Variants in STRBP observed in about 807,000 individuals in gnomAD.
STRBP encodes the protein spermatid perinuclear RNA binding protein, also known as spermatid perinuclear RNA-binding protein.
STRBP carries 13 observed loss-of-function variants against 80.1 expected under a neutral mutation model. The observed-to-expected ratio is 0.16, with a 90% confidence interval of 0.11 to 0.26. The LOEUF (loss-of-function observed/expected upper bound fraction) is 0.26. Ranked by LOEUF, STRBP falls within the 10% of genes least tolerant of loss-of-function variation. The pLI, the probability that STRBP is intolerant of heterozygous loss-of-function variation, is 1.00. For missense variants in STRBP, 485 were observed against 815.2 expected, an observed-to-expected ratio of 0.59 and a Z score of 4.93; for synonymous variants, 284 against 291.2, an observed-to-expected ratio of 0.98 and a Z score of 0.25.
intron 14 of STRBP, 99 bp downstream of exon 14, chr9:123,139,430 T>G: frequency 2.1e-6 from 2 of 965,554 alleles, no homozygotes; most frequent in South Asian, 4.3e-5. Context: ...TGTACAGGTT[T>G]GCATATGCTT....
rs915052613 is a variant in STRBP, at chr9:123,123,813, A to G, written c.*1784T>C. On this transcript the variant is annotated 3_prime_UTR_variant, in exon 19 of 19. Coordinates refer to ENST00000348403, the MANE Select transcript of STRBP (RefSeq NM_018387.5). ...ATTTAATTAATAAAAACTGGACACT[A>G]TCAGCCATGCTTTTTCTTCTCAGTG... is the stretch of plus-strand genomic sequence containing the variant. The G allele has an allele frequency of 7.8e-5, 77 of 985,334 alleles. 1 individual carries two copies. Among genetic ancestry groups the G allele is most frequent in the Non-Finnish European group, 9.0e-5 (75 of 829,946 alleles). The allele number at this position is 985,334 out of a possible 1,614,324, so 61.0% of individuals were successfully genotyped here.
intron 1 of STRBP, among the ~76,000 whole-genome samples, chr9:123,266,941 T>C (rs2041280148): frequency 6.6e-6 from 1 of 151,706 alleles, no homozygotes; most frequent in African/African-American, 2.4e-5. Flanking sequence ...CCTACTGTAC[T>C]CCAGACCTGT....
Position 123,115,523 on chromosome 9 carries a change from CCTT to C in STRBP, c.*84+403_*84+405del, listed in dbSNP as rs949447901. ...CTCTCCATCTGGGTCAATGATTTCA[CCTT>C]CTACTCAGTTGTCTAAGCTGCAGAT... On this transcript the variant is annotated intron_variant and NMD_transcript_variant, in intron 3 of 3. Coordinates refer to the STRBP transcript ENST00000471564. The surrounding 1 kb of genome is among the most constrained non-coding windows in gnomAD (Gnocchi z 5.0). 8.0e-6 allele frequency: 3 copies of C among 376,556 alleles called. No homozygotes were observed. The highest frequency in any genetic ancestry group is 7.1e-5 in the Admixed American group (2 of 28,208). 23.3% of individuals were successfully genotyped at this position (376,556 alleles called of 1,614,324 possible). A position where few individuals can be genotyped will look rare whatever the true frequency, so the allele number is the denominator to read the frequency against.
chr9:123,149,317 A>G (rs2036956733), intron 11 of STRBP, among the ~76,000 whole-genome samples: 2 of 152,184 alleles, frequency 1.3e-5, no homozygotes, highest in Admixed American at 1.3e-4. Flanking sequence ...ATTATATTTC[A>G]TTTGCATTAC....
chr9:123,216,323 A>G (rs1275565428), intron 2 of STRBP, among the ~76,000 whole-genome samples: 1 of 152,230 alleles, frequency 6.6e-6, no homozygotes, highest in African/African-American at 2.4e-5. Flanking sequence ...TACCCCTAGT[A>G]TATATCACAA....
At position 123,178,056 on chromosome 9, in the gene STRBP, A is replaced by AAC. The variant is rs1453971859; in HGVS notation, c.224+950_224+951insGT. ...AGACACAATGTATAAACTGCCTGTAAATAGTTTAAAAAAATTGTGCTCTTC... is the reference window on the plus strand; with the variant it reads ...AGACACAATGTATAAACTGCCTGTAAACATAGTTTAAAAAAATTGTGCTCTTC... On this transcript the variant is annotated intron_variant, in intron 4 of 18. Coordinates refer to ENST00000348403, the MANE Select transcript of STRBP (RefSeq NM_018387.5). Among the ~76,000 whole-genome samples the AAC allele has an allele frequency of 3.3e-5, 5 of 152,304 alleles. No individual in the cohort carries two copies. The East Asian group carries it at 9.6e-4, about 29-fold the overall frequency.
At chr9:123,188,469 G>C (rs1339654057) in intron 2 of STRBP, among the ~76,000 whole-genome samples, 4 of 151,990 alleles carry the variant, frequency 2.6e-5, no homozygotes, top group African/African-American at 4.8e-5. Context: ...GTGAAACCTT[G>C]TCTCCACTAA....
At position 123,136,847 on chromosome 9, in the gene STRBP, T is replaced by C. The variant is rs139534672; in HGVS notation, c.1498-332A>G. Among the ~76,000 whole-genome samples, 32 of 152,310 alleles carry C rather than the reference T, an allele frequency of 2.1e-4. No homozygotes were observed. The highest frequency in any genetic ancestry group is 7.2e-4 in the African/African-American group (30 of 41,570). On this transcript the variant is annotated intron_variant, in intron 14 of 18. Coordinates refer to ENST00000348403, the MANE Select transcript of STRBP (RefSeq NM_018387.5). This position sits in a 1 kb window ranked among gnomAD's most constrained non-coding sequence, Gnocchi z 4.2. The stretch of plus-strand genomic sequence containing the variant: ...TACTCTAAATTACTAATAACGAGAA[T>C]AGAACAGTTTGGATTCACGTGATGC...
intron 1 of STRBP, among the ~76,000 whole-genome samples, chr9:123,259,535 C>A (rs929461368): frequency 6.6e-6 from 1 of 152,216 alleles, no homozygotes; most frequent in South Asian, 2.1e-4. Flanking sequence ...GGAGAAACCC[C>A]GTCTCTACTA....
chr9:123,203,246 T>G (rs2132513900), intron 2 of STRBP, among the ~76,000 whole-genome samples: 1 of 151,828 alleles, frequency 6.6e-6, no homozygotes, highest in African/African-American at 2.4e-5. Context: ...CTTGGGAGGC[T>G]GAGGCAGGAG....
intron 3 of STRBP, among the ~76,000 whole-genome samples, chr9:123,183,278 T>TA (rs1216665311): frequency 1.3e-5 from 2 of 151,030 alleles, no homozygotes; most frequent in Non-Finnish European, 3.0e-5. Flanking sequence ...CTACTAAAAA[T>TA]AAAAAAAATT....
intron 11 of STRBP, among the ~76,000 whole-genome samples, chr9:123,152,580 G>A (rs551269666): frequency 5.3e-5 from 8 of 151,916 alleles, no homozygotes; most frequent in African/African-American, 1.9e-4. Flanking sequence ...ACAACAACTT[G>A]GATGGACCCT....
chr9:123,144,440 C>T (rs1367673659), intron 13 of STRBP, among the ~76,000 whole-genome samples: 8 of 152,066 alleles, frequency 5.3e-5, no homozygotes, highest in Non-Finnish European at 7.3e-5. Flanking sequence ...AATAATCCCA[C>T]TAAATAGAAT....
At chr9:123,130,770 C>T (rs1348992774) in intron 17 of STRBP, among the ~76,000 whole-genome samples, 1 of 152,140 alleles carries the variant, frequency 6.6e-6, no homozygotes, top group Non-Finnish European at 1.5e-5. Flanking sequence ...TCCTTTTCCC[C>T]CAATGCTCCA....
At position 123,242,812 on chromosome 9, in the gene STRBP, A is replaced by G. The variant is rs942666777; in HGVS notation, c.-301-5846T>C. 5.3e-5 allele frequency among the ~76,000 whole-genome samples: 8 copies of G among 152,246 alleles called. 1 individual carries two copies. Among genetic ancestry groups the G allele is most frequent in the Non-Finnish European group, 1.5e-5 (1 of 68,042 alleles). On this transcript the variant is annotated intron_variant, in intron 1 of 18. Coordinates refer to ENST00000348403, the MANE Select transcript of STRBP (RefSeq NM_018387.5). The stretch of plus-strand genomic sequence containing the variant: ...CTCTCCATACAATTTAAGTAATTTG[A>G]GTATTTTCTCTACAGAACTACTTCT...
At chr9:123,164,794 T>A (rs2037682331) in intron 6 of STRBP, among the ~76,000 whole-genome samples, 1 of 152,162 alleles carries the variant, frequency 6.6e-6, no homozygotes, top group Non-Finnish European at 1.5e-5. Context: ...CTCAATTCCT[T>A]GAAGCTTTCT....
At chr9:123,262,037 T>A (rs897721869) in intron 1 of STRBP, among the ~76,000 whole-genome samples, 3 of 152,230 alleles carry the variant, frequency 2.0e-5, no homozygotes, top group African/African-American at 7.2e-5. Context: ...ACTACCTAGC[T>A]GTCTTAAATT....
intron 11 of STRBP, among the ~76,000 whole-genome samples, chr9:123,154,450 C>T (rs1299282748): frequency 6.6e-6 from 1 of 152,094 alleles, no homozygotes; most frequent in African/African-American, 2.4e-5. Flanking sequence ...TTCAGAAAGT[C>T]AGAAATGGTA....
In STRBP at chr9:123,223,229, A is replaced by G. The variant is rs2040128707; in HGVS notation, c.-165+13601T>C. Reference sequence around the variant, plus strand: ...TTCTGGAGAAAGAGGACAGAGGTTAATAAGTGGAAACGGGATTTTTAAAGC... The same window carrying G: ...TTCTGGAGAAAGAGGACAGAGGTTAGTAAGTGGAAACGGGATTTTTAAAGC... On this transcript the variant is annotated intron_variant, in intron 2 of 18. Transcript: ENST00000348403. Among the ~76,000 whole-genome samples the G allele has an allele frequency of 2.6e-5, 4 of 152,216 alleles. No homozygotes were observed. In the South Asian group the frequency reaches 8.3e-4, roughly 32 times the overall value.
Sources: gnomAD v4.1 joint callset for allele counts (sites outside exome capture counted in the v4.1 genomes callset) on GRCh38, gnomAD v4.1.1 for gene constraint, Gnocchi (gnomAD v3.1) non-coding constraint, MANE v1.5 for transcripts, NCBI Gene and HGNC (gene_info 2026-07-23, HGNC 2026-07-21) for gene names.